Variants in KLRG1 observed in about 807,000 individuals in gnomAD.
KLRG1 encodes the protein killer cell lectin-like receptor subfamily G member 1.
A neutral mutation model predicts 21.8 loss-of-function variants in KLRG1; 16 were observed. The observed-to-expected ratio is 0.73, with a 90% CI of 0.50 to 1.11. KLRG1 has a LOEUF of 1.11. Ranked by LOEUF, KLRG1 falls within the 50% of genes most tolerant of loss-of-function variation. The pLI, the probability that KLRG1 is intolerant of heterozygous loss-of-function variation, is 0.00. For synonymous variants in KLRG1, 69 were observed against 75.9 expected (o/e 0.91, Z 0.47); for missense variants, 173 against 218.3 (o/e 0.79, Z 1.31).
the KLRG1 span, chr12:9,115,853 G>T: frequency 6.2e-7 from 1 of 1,611,800 alleles, no homozygotes. Flanking sequence ...TCCCCATGTT[G>T]CAGAAAGAAG....
At chr12:9,165,683 T>A in the KLRG1 span, among the ~76,000 whole-genome samples, 29 of 152,330 alleles carry the variant, frequency 1.9e-4, no homozygotes, top group Admixed American at 5.9e-4. Flanking sequence ...ATAAGCATTT[T>A]TAAGAATCAT....
chr12:8,983,570 T>G (rs1168902043), intron 1 of KLRG1, among the ~76,000 whole-genome samples: 2 of 151,854 alleles, frequency 1.3e-5, no homozygotes, highest in Non-Finnish European at 2.9e-5. Context: ...CTAGCTAATT[T>G]TTGTATTTTT....
At chr12:9,047,410 TG>T in the KLRG1 span, among the ~76,000 whole-genome samples, 1 of 152,164 alleles carries the variant, frequency 6.6e-6, no homozygotes, top group African/African-American at 2.4e-5. Flanking sequence ...GCACTGAAAA[TG>T]TTTTTTTGAA....
At position 8,989,625 on chromosome 12, in the gene KLRG1, C is replaced by G. The variant is rs770524224; in HGVS notation, c.-11C>G. ...ACTCTCTCAACTGCATGTGAAAGAT[C>G]TTAGCTGAAGATGACTGACAGTGTT... On this transcript the variant is annotated 5_prime_UTR_variant, in exon 1 of 5. It adds an upstream start codon to the 5' untranslated region. Coordinates refer to ENST00000356986, the MANE Select transcript of KLRG1 (RefSeq NM_005810.4). 1 of 1,579,670 alleles carries G rather than the reference C, an allele frequency of 6.3e-7. No homozygotes were observed. The highest frequency in any genetic ancestry group is 1.1e-5 in the South Asian group (1 of 89,618).
At chr12:9,083,250 G>T in the KLRG1 span, among the ~76,000 whole-genome samples, 1 of 152,088 alleles carries the variant, frequency 6.6e-6, no homozygotes, top group South Asian at 2.1e-4. Context: ...TGGGGTGAGG[G>T]GATGGGGGAG....
the KLRG1 span, among the ~76,000 whole-genome samples, chr12:9,155,480 TTTGTTGTTGTTATTGTTG>T: frequency 6.8e-6 from 1 of 147,498 alleles, no homozygotes; most frequent in Non-Finnish European, 1.5e-5. Flanking sequence ...TGTTTTGTTT[TTTGTTGTTGTTATTGTTG>T]TTGTTGTTGT....
chr12:9,166,155 AT>A, the KLRG1 span: 24 of 1,613,798 alleles, frequency 1.5e-5, no homozygotes, highest in Non-Finnish European at 1.9e-5. Context: ...ATCACATTAT[AT>A]GTGCCTAATT....
At chr12:8,982,148 A>G (rs1946764698) in intron 1 of KLRG1, among the ~76,000 whole-genome samples, 2 of 152,214 alleles carry the variant, frequency 1.3e-5, no homozygotes, top group South Asian at 4.1e-4. Flanking sequence ...TAAGCTAATA[A>G]TCTTGAGATG....
intron 3 of KLRG1, among the ~76,000 whole-genome samples, chr12:8,995,634 A>G (rs1424547608): frequency 6.6e-6 from 1 of 152,056 alleles, no homozygotes; most frequent in African/African-American, 2.4e-5. Context: ...GGTCTAGTTA[A>G]AAGAAGTCTT....
At chr12:9,038,066 C>G in the KLRG1 span, among the ~76,000 whole-genome samples, 1 of 152,190 alleles carries the variant, frequency 6.6e-6, no homozygotes, top group Non-Finnish European at 1.5e-5. Flanking sequence ...TGAGACCAGC[C>G]TGGGCAGCAC....
chr12:9,038,220 C>T, the KLRG1 span, among the ~76,000 whole-genome samples: 1 of 152,086 alleles, frequency 6.6e-6, no homozygotes, highest in Non-Finnish European at 1.5e-5. Flanking sequence ...GTGATTGTGC[C>T]ACAGCACTCC....
the KLRG1 span, among the ~76,000 whole-genome samples, chr12:9,207,696 G>A: frequency 6.6e-6 from 1 of 152,190 alleles, no homozygotes; most frequent in Non-Finnish European, 1.5e-5. Context: ...TCTCTATTAG[G>A]AGTTAATGGA....
the KLRG1 span, among the ~76,000 whole-genome samples, chr12:9,059,809 A>C: frequency 6.6e-6 from 1 of 152,128 alleles, no homozygotes; most frequent in Admixed American, 6.5e-5. Context: ...CCTCCTGAGT[A>C]GCTGGGACCA....
chr12:9,194,212 C>T, the KLRG1 span: 1 of 1,613,902 alleles, frequency 6.2e-7, no homozygotes. Context: ...TGGGGATGGG[C>T]ACACCTTTTC....
At chr12:9,197,359 A>G in the KLRG1 span, among the ~76,000 whole-genome samples, 38,623 of 142,548 alleles carry the variant, frequency 0.27, 5,400 homozygotes, top group East Asian at 0.4. Flanking sequence ...ATATATTTAT[A>G]TAAATATTTT....
chr12:9,079,895 G>A, the KLRG1 span: 1 of 1,332,772 alleles, frequency 7.5e-7, no homozygotes, highest in Non-Finnish European at 9.9e-7. Context: ...ATAATTAGTT[G>A]AGCTTAGAAA....
At chr12:9,154,080 T>C in the KLRG1 span, among the ~76,000 whole-genome samples, 1 of 152,220 alleles carries the variant, frequency 6.6e-6, no homozygotes, top group Non-Finnish European at 1.5e-5. Context: ...AAGTGGATTC[T>C]ACTTAGTCAC....
chr12:8,972,637 TG>T (rs1946590347), intron 1 of KLRG1, among the ~76,000 whole-genome samples: 1 of 152,210 alleles, frequency 6.6e-6, no homozygotes, highest in Non-Finnish European at 1.5e-5. Flanking sequence ...GTGGATTTGT[TG>T]TTGTGCTCCC....
the KLRG1 span, chr12:9,154,514 A>T: frequency 8.8e-7 from 1 of 1,130,934 alleles, no homozygotes; most frequent in South Asian, 1.6e-5. Flanking sequence ...TACTTCTTCA[A>T]TGATTTAATA....
Sources: allele counts gnomAD v4.1 joint callset (sites outside exome capture counted in the v4.1 genomes callset), GRCh38; gene constraint gnomAD v4.1.1; transcripts MANE v1.5; gene names NCBI Gene and HGNC (gene_info 2026-07-23, HGNC 2026-07-21).